CSMD1: variants seen among roughly 807,000 people sequenced by gnomAD.
The protein encoded by CSMD1 is CUB and Sushi multiple domains 1, also known as CUB and sushi domain-containing protein 1.
A neutral mutation model predicts 417.5 loss-of-function variants in CSMD1; 213 were observed. That is an observed-to-expected ratio of 0.51 (90% CI 0.46 to 0.57). The LOEUF is 0.57. Among genes scored for constraint, CSMD1 ranks in the 20% least tolerant of loss-of-function variants. The pLI is 0.00. For missense variants in CSMD1, 6,923 were observed against 4,529.7 expected, an observed-to-expected ratio of 1.53 and a Z score of -15.17; for synonymous variants, 2,862 against 1,736.8, an observed-to-expected ratio of 1.65 and a Z score of -16.11.
At chr8:3,900,316 C>T (rs376769856) in intron 5 of CSMD1, among the ~76,000 whole-genome samples, 3 of 150,038 alleles carry the variant, frequency 2.0e-5, no homozygotes, top group African/African-American at 7.4e-5. Flanking sequence ...GGTGACAGTG[C>T]AGCTGGATGA....
intron 2 of CSMD1, among the ~76,000 whole-genome samples, chr8:4,533,929 T>C (rs998707796): frequency 1.3e-5 from 2 of 148,628 alleles, no homozygotes; most frequent in African/African-American, 4.9e-5. Context: ...ACACATATAT[T>C]AATATATAAT....
At chr8:3,014,323 C>T (rs943642579) in intron 52 of CSMD1, among the ~76,000 whole-genome samples, 1 of 152,136 alleles carries the variant, frequency 6.6e-6, no homozygotes, top group Non-Finnish European at 1.5e-5. Context: ...AAATACATTT[C>T]CAAAGTTACT....
intron 5 of CSMD1, among the ~76,000 whole-genome samples, chr8:3,824,842 T>C (rs1225143868): frequency 1.3e-5 from 2 of 152,090 alleles, no homozygotes; most frequent in Non-Finnish European, 2.9e-5. Context: ...TTCAATAAAA[T>C]GACACAGGGT....
At chr8:3,515,323 G>T (rs909381072) in intron 10 of CSMD1, 1 of 152,212 alleles carries the variant, frequency 6.6e-6, no homozygotes, top group Non-Finnish European at 1.5e-5. Flanking sequence ...CTGGCATGCT[G>T]TTCCGTGCAC....
chr8:3,014,913 C>T (rs540590433), intron 52 of CSMD1, among the ~76,000 whole-genome samples: 2 of 146,984 alleles, frequency 1.4e-5, no homozygotes, highest in East Asian at 1.9e-4. Context: ...GAGACCCTGT[C>T]TCAAACATAA....
At chr8:2,960,959 TATATATAC>T (rs1363200817) in intron 62 of CSMD1, among the ~76,000 whole-genome samples, 174 bp downstream of exon 62, 1 of 131,634 alleles carries the variant, frequency 7.6e-6, no homozygotes, top group African/African-American at 3.5e-5. Flanking sequence ...TATATATATA[TATATATAC>T]ATATATTGAT....
chr8:4,417,323 G>T (rs1156815593), intron 3 of CSMD1, among the ~76,000 whole-genome samples: 2 of 151,980 alleles, frequency 1.3e-5, no homozygotes, highest in African/African-American at 2.4e-5. Flanking sequence ...AATAGTTTAT[G>T]TAAATAAAGC....
intron 2 of CSMD1, among the ~76,000 whole-genome samples, chr8:4,443,964 C>G (rs1002239443): frequency 6.6e-6 from 1 of 151,982 alleles, no homozygotes; most frequent in Non-Finnish European, 1.5e-5. Context: ...ATATAATTAC[C>G]TGTGATATGA....
intron 3 of CSMD1, among the ~76,000 whole-genome samples, chr8:4,279,696 A>G (rs1796675294): frequency 1.3e-5 from 2 of 152,252 alleles, no homozygotes; most frequent in East Asian, 1.9e-4. Context: ...TTGAATGTGC[A>G]TTTTCTTCTA....
intron 40 of CSMD1, among the ~76,000 whole-genome samples, chr8:3,149,464 C>A (rs929361297): frequency 3.9e-5 from 6 of 151,970 alleles, no homozygotes; most frequent in Admixed American, 1.3e-4. Context: ...ATCTTCTAGC[C>A]AGAATTTTTG....
intron 11 of CSMD1, among the ~76,000 whole-genome samples, chr8:3,482,975 A>AT (rs1817829797): frequency 1.3e-5 from 2 of 152,160 alleles, no homozygotes; most frequent in Non-Finnish European, 2.9e-5. Flanking sequence ...GGAAGCAGAT[A>AT]AAACAGTGCC....
At chr8:4,051,995 G>T (rs543350866) in intron 3 of CSMD1, among the ~76,000 whole-genome samples, 1 of 150,836 alleles carries the variant, frequency 6.6e-6, no homozygotes, top group South Asian at 2.1e-4. Flanking sequence ...GTGTTATCTC[G>T]GCTCACTGCA....
Position 3,676,414 on chromosome 8 carries a change from G to A in CSMD1, c.1009+32000C>T, listed in dbSNP as rs73658205. Among the ~76,000 whole-genome samples the A allele has an allele frequency of 6.9e-3, 1,053 of 152,218 alleles. 11 individuals carry two copies. The highest frequency in any genetic ancestry group is 0.024 in the African/African-American group (992 of 41,532). On this transcript the variant is annotated intron_variant, in intron 7 of 69. Transcript: ENST00000635120. ...ATATACCAAGCACCATGCTGGACAC[G>A]CCACAGGCACCCGATAAATGCTAAC... is the stretch of plus-strand genomic sequence containing the variant.
At chr8:4,847,273 T>A (rs1801197948) in intron 1 of CSMD1, among the ~76,000 whole-genome samples, 1 of 152,194 alleles carries the variant, frequency 6.6e-6, no homozygotes, top group Non-Finnish European at 1.5e-5. Flanking sequence ...CACTTTAGAA[T>A]CTCAAAGAAG....
intron 11 of CSMD1, among the ~76,000 whole-genome samples, chr8:3,469,777 G>T (rs1057295912): frequency 2.0e-5 from 3 of 152,180 alleles, no homozygotes; most frequent in Non-Finnish European, 4.4e-5. Flanking sequence ...TTCAAAGGAA[G>T]AAGAACAACT....
chr8:3,409,756 A>C, intron 12 of CSMD1, 151 bp from the exon 13 acceptor site: 1 of 610,852 alleles, frequency 1.6e-6, no homozygotes. Context: ...ATTGATCTTA[A>C]ATTTAATTTC....
Position 3,151,480 on chromosome 8 carries a change from C to T in CSMD1, c.5948G>A (p.Gly1983Asp). 6.2e-7 allele frequency: 1 copy of T among 1,613,512 alleles called. No homozygotes were observed. Residue 1983 changes from glycine to aspartate, a missense_variant, in exon 40 of 70, where the codon GGT becomes GAT. Gly to Asp is a moderately conservative substitution (Grantham distance 94). Transcript: ENST00000635120. ...TGGGAAGCCGGGGCTCAGGATCACA[C>T]CACCCAAGGTGCTCAGCGTCCCTCC... ...TCGGTLSTLGGVILSPGFPGS... is the reference protein window; with the variant it reads ...TCGGTLSTLGDVILSPGFPGS...
At chr8:4,257,831 A>G (rs1803572741) in intron 3 of CSMD1, among the ~76,000 whole-genome samples, 1 of 152,210 alleles carries the variant, frequency 6.6e-6, no homozygotes, top group South Asian at 2.1e-4. Context: ...CATAGGGAAT[A>G]CAGAAAGTAA....
At chr8:3,365,239 G>C (rs554044387) in intron 20 of CSMD1, among the ~76,000 whole-genome samples, 2 of 152,176 alleles carry the variant, frequency 1.3e-5, no homozygotes, top group African/African-American at 2.4e-5. Flanking sequence ...AAGAAATCAA[G>C]TGGTCTGAGC....
Sources: allele counts gnomAD v4.1 joint callset (sites outside exome capture counted in the v4.1 genomes callset), GRCh38; gene constraint gnomAD v4.1.1; transcripts MANE v1.5; gene names NCBI Gene and HGNC (gene_info 2026-07-23, HGNC 2026-07-21).